RBM47: variants seen among roughly 807,000 people sequenced by gnomAD.
The protein encoded by RBM47 is RNA binding motif protein 47.
In RBM47, 21 loss-of-function variants were observed where a neutral mutation model predicts 47.1. The observed-to-expected ratio is 0.45, with a 90% CI of 0.32 to 0.64. The LOEUF is 0.64. Ranked by LOEUF, RBM47 falls within the 30% of genes least tolerant of loss-of-function variation. The probability of loss-of-function intolerance (pLI) is 0.05; values close to 1 mark genes in which losing one functional copy is unlikely to be tolerated. For missense variants in RBM47, 708 were observed against 870.9 expected, an observed-to-expected ratio of 0.81 and a Z score of 2.35; for synonymous variants, 375 against 361.7, an observed-to-expected ratio of 1.04 and a Z score of -0.42.
At chr4:40,567,539 G>A (rs62304576) in intron 1 of RBM47, among the ~76,000 whole-genome samples, 20 of 152,112 alleles carry the variant, frequency 1.3e-4, no homozygotes, top group African/African-American at 4.6e-4. Flanking sequence ...CACGCAGTGC[G>A]CACAGAGAAT....
At chr4:40,504,029 A>T (rs78779178) in intron 2 of RBM47, among the ~76,000 whole-genome samples, 5,459 of 152,020 alleles carry the variant, frequency 0.036, 149 homozygotes, top group East Asian at 0.16. Context: ...TGAAAAAAAA[A>T]TTTTTTTAAG....
chr4:40,605,109 G>A (rs1004156699), intron 1 of RBM47, among the ~76,000 whole-genome samples: 1 of 151,940 alleles, frequency 6.6e-6, no homozygotes, highest in African/African-American at 2.4e-5. Flanking sequence ...TGCAACCTCC[G>A]CCTCCCAGGT....
At chr4:40,477,539 A>G (rs540590424) in intron 2 of RBM47, among the ~76,000 whole-genome samples, 70 of 152,330 alleles carry the variant, frequency 4.6e-4, no homozygotes, top group Non-Finnish European at 7.2e-4. Flanking sequence ...GTAATTTAGT[A>G]TATTATATAA....
chr4:40,432,672 C>T lies in RBM47; in HGVS notation c.1521G>A (p.Val507=), dbSNP rs1182081999. 1 of 1,610,790 alleles carries T rather than the reference C, an allele frequency of 6.2e-7. No individual in the cohort carries two copies. Among genetic ancestry groups the T allele is most frequent in the Admixed American group, 1.7e-5 (1 of 59,350 alleles). The change falls in exon 6 of 7, where the codon GTG becomes GTA. Residue 507 remains valine (V), a synonymous_variant. Transcript: ENST00000295971. ...CTACCTGGAAAGGTGGTGGCGTCGA[C>T]ACAGTGGGAATGACAGCGGCTGCGG... ...AAAAAAVIPT[V]STPPPFQGRP...
At chr4:40,529,930 C>CTTTT (rs1727215067) in intron 2 of RBM47, among the ~76,000 whole-genome samples, 1 of 147,862 alleles carries the variant, frequency 6.8e-6, no homozygotes, top group African/African-American at 2.5e-5. Context: ...TATTAGACCC[C>CTTTT]CTTTTTTTTT....
At chr4:40,475,048 C>G (rs906448853) in intron 2 of RBM47, among the ~76,000 whole-genome samples, 2 of 152,064 alleles carry the variant, frequency 1.3e-5, no homozygotes, top group African/African-American at 4.8e-5. Flanking sequence ...TAAAATATAA[C>G]TAAACAATTA....
chr4:40,459,024 G>T (rs1395848727), intron 3 of RBM47, among the ~76,000 whole-genome samples: 1 of 152,154 alleles, frequency 6.6e-6, no homozygotes, highest in Non-Finnish European at 1.5e-5. Context: ...AACTCTATTA[G>T]AAATGAGACC....
intron 3 of RBM47, among the ~76,000 whole-genome samples, chr4:40,461,889 C>T (rs1184303999): frequency 1.3e-5 from 2 of 150,618 alleles, no homozygotes; most frequent in East Asian, 1.9e-4. Flanking sequence ...GAGCCAAGAT[C>T]GCACCATTGT....
chr4:40,449,512 C>T (rs944297899), intron 3 of RBM47, among the ~76,000 whole-genome samples: 3 of 152,152 alleles, frequency 2.0e-5, no homozygotes, highest in South Asian at 2.1e-4. Context: ...TTTTCCCAGA[C>T]GTTTCTATCA....
rs1733789418 is a variant in RBM47, at chr4:40,588,326, C to T, written c.-240+41070G>A. Among the ~76,000 whole-genome samples the T allele has an allele frequency of 2.6e-5, 4 of 152,178 alleles. No homozygotes were observed. The South Asian group carries it at 8.3e-4, about 31-fold the overall frequency. ...CGCTCCTCAACCAAGGTAATCACTC[C>T]TGGGCCAGTTTCCCTTTCAGGATTC... On this transcript the variant is annotated intron_variant, in intron 1 of 6. Transcript: ENST00000295971.
At chr4:40,499,775 A>G (rs1171776319) in intron 2 of RBM47, among the ~76,000 whole-genome samples, 7 of 152,202 alleles carry the variant, frequency 4.6e-5, no homozygotes, top group Non-Finnish European at 1.0e-4. Context: ...ACAGGTCACA[A>G]TTGCAGGTCT....
chr4:40,586,870 G>A (rs1420325491), intron 1 of RBM47, among the ~76,000 whole-genome samples: 1 of 152,128 alleles, frequency 6.6e-6, no homozygotes, highest in Non-Finnish European at 1.5e-5. Flanking sequence ...GTATGAAGGG[G>A]CAGGAGGGGA....
chr4:40,450,517 G>T (rs1430375574), intron 3 of RBM47, among the ~76,000 whole-genome samples: 1 of 151,964 alleles, frequency 6.6e-6, no homozygotes, highest in East Asian at 1.9e-4. Context: ...CAGAAGAATT[G>T]CTTGAACCTG....
chr4:40,436,350 G>A, intron 5 of RBM47, 91 bp downstream of exon 5: 1 of 1,274,304 alleles, frequency 7.8e-7, no homozygotes, highest in Non-Finnish European at 1.1e-6. Flanking sequence ...CTGTGCAGAT[G>A]TGAGAGCCTG....
At chr4:40,450,632 A>G (rs1715272167) in intron 3 of RBM47, among the ~76,000 whole-genome samples, 1 of 152,032 alleles carries the variant, frequency 6.6e-6, no homozygotes, top group Non-Finnish European at 1.5e-5. Context: ...TTTCACATAT[A>G]TTATCTAATT....
intron 2 of RBM47, among the ~76,000 whole-genome samples, chr4:40,498,435 G>T (rs569443341): frequency 4.3e-4 from 65 of 152,016 alleles, no homozygotes; most frequent in Non-Finnish European, 8.8e-4. Flanking sequence ...GGTGGCTCAC[G>T]CCTGTAATCC....
intron 1 of RBM47, among the ~76,000 whole-genome samples, chr4:40,622,400 G>A (rs1260773574): frequency 1.3e-5 from 2 of 152,234 alleles, no homozygotes; most frequent in Non-Finnish European, 2.9e-5. Context: ...TGGTATGAAT[G>A]TGCTGGGCAC....
At chr4:40,589,396 T>G (rs190107300) in intron 1 of RBM47, among the ~76,000 whole-genome samples, 4 of 152,170 alleles carry the variant, frequency 2.6e-5, no homozygotes, top group African/African-American at 9.6e-5. Context: ...AACTGTACAA[T>G]GTAGTTTTTA....
chr4:40,485,887 C>T (rs1475680071), intron 2 of RBM47, among the ~76,000 whole-genome samples: 1 of 148,520 alleles, frequency 6.7e-6, no homozygotes, highest in Admixed American at 6.7e-5. Flanking sequence ...TGGCAAAAGG[C>T]CATCTGTGTA....
Sources: allele counts gnomAD v4.1 joint callset (sites outside exome capture counted in the v4.1 genomes callset), GRCh38; gene constraint gnomAD v4.1.1; transcripts MANE v1.5; gene names NCBI Gene and HGNC (gene_info 2026-07-23, HGNC 2026-07-21).